The following PPAT variants were observed in gnomAD, a reference collection of about 807,000 sequenced individuals.
PPAT encodes the protein amidophosphoribosyltransferase.
Under a neutral mutation model 60.2 loss-of-function variants are expected in PPAT, and 20 were observed. The observed-to-expected ratio is 0.33, with a 90% CI of 0.23 to 0.48. The LOEUF (loss-of-function observed/expected upper bound fraction) is 0.48. PPAT is among the 20% of genes least tolerant of loss of function. The probability of loss-of-function intolerance (pLI) is 0.99; values close to 1 mark genes in which losing one functional copy is unlikely to be tolerated. For missense variants in PPAT, 349 were observed against 629.6 expected, an observed-to-expected ratio of 0.55 and a Z score of 4.77; for synonymous variants, 194 against 215.1, an observed-to-expected ratio of 0.90 and a Z score of 0.86.
chr4:56,402,836 A>T (rs1716147656), intron 5 of PPAT, among the ~76,000 whole-genome samples: 1 of 122,652 alleles, frequency 8.2e-6, no homozygotes, highest in Admixed American at 7.9e-5. Flanking sequence ...AAAAAAAAAA[A>T]AAAAAAAAAA....
In PPAT at chr4:56,394,375, C is replaced by T. The variant is rs944845657; in HGVS notation, c.*977G>A. The T allele has an allele frequency of 6.6e-6, 1 of 151,798 alleles. No individual in the cohort carries two copies. Among genetic ancestry groups the T allele is most frequent in the South Asian group, 2.1e-4 (1 of 4,822 alleles). 9.4% of individuals were successfully genotyped at this position (151,798 alleles called of 1,614,324 possible). A position where few individuals can be genotyped will look rare whatever the true frequency, so the allele number is the denominator to read the frequency against. Reference sequence around the variant, plus strand: ...ATGTGTATGTGTACATGTATATGTACATCTACATGTATATATGTTTGCAAG... The same window carrying T: ...ATGTGTATGTGTACATGTATATGTATATCTACATGTATATATGTTTGCAAG... On this transcript the variant is annotated 3_prime_UTR_variant, in exon 11 of 11. Coordinates refer to ENST00000264220, the MANE Select transcript of PPAT (RefSeq NM_002703.5).
At chr4:56,410,428 T>C (rs2110043579) in intron 1 of PPAT, 1 of 673,372 alleles carries the variant, frequency 1.5e-6, no homozygotes. Flanking sequence ...TTTCAGCTCT[T>C]CGGAGCTTAT....
chr4:56,433,414 A>G (rs372849722), intron 1 of PPAT, among the ~76,000 whole-genome samples: 171 of 129,684 alleles, frequency 1.3e-3, no homozygotes, highest in African/African-American at 5.8e-3. Context: ...AAAAAAAAAG[A>G]AAAAAAAAAC....
rs544171394 is a variant in PPAT, at chr4:56,420,548, TC to T, written c.129-12833del. The T allele has an allele frequency of 2.6e-3, 392 of 152,236 alleles. 2 individuals are homozygous for T. The highest frequency in any genetic ancestry group is 8.5e-3 in the African/African-American group (355 of 41,536). 9.4% of individuals were successfully genotyped at this position (152,236 alleles called of 1,614,324 possible). A position where few individuals can be genotyped will look rare whatever the true frequency, so the allele number is the denominator to read the frequency against. ...AACAGATTTAGTATACATTTGATCT[TC>T]CCCAGAATAGAAACAGTACAGTTAT... On this transcript the variant is annotated intron_variant, in intron 1 of 10. Transcript: ENST00000264220.
intron 1 of PPAT, among the ~76,000 whole-genome samples, chr4:56,432,193 CAA>C (rs1302413487): frequency 6.6e-6 from 1 of 152,066 alleles, no homozygotes; most frequent in Non-Finnish European, 1.5e-5. Flanking sequence ...AAATACAAAA[CAA>C]AAGTGATAGA....
chr4:56,406,470 A>C, intron 3 of PPAT, 25 bp downstream of exon 3: 2 of 1,594,442 alleles, frequency 1.3e-6, no homozygotes, highest in Non-Finnish European at 8.6e-7. Context: ...AAAAAGGCCT[A>C]GGGAAAACAA....
rs534302255 is a variant in PPAT at position 56,397,340 on chromosome 4, T to C, written c.1237-601A>G. 3.1e-3 allele frequency among the ~76,000 whole-genome samples: 474 copies of C among 152,326 alleles called. 1 individual carries two copies. The highest frequency in any genetic ancestry group is 4.1e-3 in the Non-Finnish European group (281 of 68,034). On this transcript the variant is annotated intron_variant, in intron 9 of 10. Transcript: ENST00000264220. ...TTCACTATTGCAATAAATGATGAAA[T>C]TATGTTAAACTCTTGTATCTATTAC... is the stretch of plus-strand genomic sequence containing the variant.
intron 1 of PPAT, among the ~76,000 whole-genome samples, chr4:56,432,997 T>TGA (rs1560652377): frequency 6.7e-6 from 1 of 148,436 alleles, no homozygotes. Context: ...CACACGTATT[T>TGA]TATATATATA....
intron 1 of PPAT, among the ~76,000 whole-genome samples, chr4:56,417,334 A>G (rs1200736017): frequency 6.6e-6 from 1 of 152,240 alleles, no homozygotes; most frequent in Non-Finnish European, 1.5e-5. Flanking sequence ...AAGACATTAA[A>G]TACACCATAA....
chr4:56,429,971 C>T (rs549191787), intron 1 of PPAT, among the ~76,000 whole-genome samples: 1 of 152,178 alleles, frequency 6.6e-6, no homozygotes, highest in Non-Finnish European at 1.5e-5. Context: ...TAAAAATATA[C>T]ATCCCAGCCA....
chr4:56,399,979 T>C (rs1412031932), intron 8 of PPAT: 2 of 152,262 alleles, frequency 1.3e-5, no homozygotes, highest in Admixed American at 1.3e-4. Context: ...AGCTTTATTA[T>C]TACCCATACT....
In PPAT at chr4:56,410,526, G is replaced by T. The variant is rs1182976488; in HGVS notation, c.129-2810C>A. 4.1e-6 allele frequency: 4 copies of T among 986,548 alleles called. No homozygotes were observed. The Admixed American group carries it at 2.5e-4, about 61-fold the overall frequency. 61.1% of individuals were successfully genotyped at this position (986,548 alleles called of 1,614,324 possible). A position where few individuals can be genotyped will look rare whatever the true frequency, so the allele number is the denominator to read the frequency against. Reference sequence around the variant, plus strand: ...CAGGTCACTTTCAACATGGAGAGTGGAGCAGGAAAGCACTGGACTGAGGAG... The same window carrying T: ...CAGGTCACTTTCAACATGGAGAGTGTAGCAGGAAAGCACTGGACTGAGGAG... On this transcript the variant is annotated intron_variant, in intron 1 of 10. Transcript: ENST00000264220.
At chr4:56,411,644 ATTTC>A (rs1716469444) in intron 1 of PPAT, among the ~76,000 whole-genome samples, 19 of 152,224 alleles carry the variant, frequency 1.2e-4, no homozygotes, top group Admixed American at 1.2e-3. Flanking sequence ...TATAGATGCT[ATTTC>A]AAGAGCAGAA....
rs1351441807 is a variant in PPAT, at chr4:56,403,061, C to A, written c.640G>T (p.Val214Leu). Reference sequence around the variant, plus strand: ...TTACCTTTGTCATTTATATCAGACACTGGAATAAGACGACCAATGCATAAG... The same window carrying A: ...TTACCTTTGTCATTTATATCAGACAATGGAATAAGACGACCAATGCATAAG... ...RPLCIGRLIPVSDINDKEKKT... is the reference protein window; with the variant it reads ...RPLCIGRLIPLSDINDKEKKT... Residue 214 changes from valine to leucine, a missense_variant, in exon 5 of 11, where the codon GTG becomes TTG. By Grantham distance (32) the Val-to-Leu change is conservative (BLOSUM62 1). Transcript: ENST00000264220. The A allele has an allele frequency of 6.2e-7, 1 of 1,608,632 alleles. No homozygotes were observed. Among genetic ancestry groups the A allele is most frequent in the East Asian group, 2.2e-5 (1 of 44,810 alleles).
At chr4:56,413,985 A>C (rs1434990218) in intron 1 of PPAT, among the ~76,000 whole-genome samples, 1 of 152,204 alleles carries the variant, frequency 6.6e-6, no homozygotes, top group Non-Finnish European at 1.5e-5. Flanking sequence ...GTAACTTTTA[A>C]TTTGCATTTG....
intron 1 of PPAT, among the ~76,000 whole-genome samples, chr4:56,411,880 C>T (rs1471720148): frequency 2.0e-5 from 3 of 152,270 alleles, no homozygotes; most frequent in South Asian, 4.1e-4. Context: ...TTCATGTTTA[C>T]AGCTCAGTAA....
At chr4:56,433,128 G>GAATC (rs933159279) in intron 1 of PPAT, among the ~76,000 whole-genome samples, 1 of 151,818 alleles carries the variant, frequency 6.6e-6, no homozygotes, top group African/African-American at 2.4e-5. Flanking sequence ...CTTCCAAGCA[G>GAATC]AATCAGTCCT....
Position 56,401,363 on chromosome 4 carries a change from C to T in PPAT, c.853G>A (p.Val285Ile). The change falls in exon 7 of 11, where the codon GTT becomes ATT. Residue 285 changes from valine (V) to isoleucine (I), a missense_variant. Physicochemically the swap from Val to Ile is conservative, Grantham distance 29 (BLOSUM62 3). Coordinates refer to ENST00000264220, the MANE Select transcript of PPAT (RefSeq NM_002703.5). ...ATACTGTCTGGTCTTGCAAAATAAA[C>T]ATATTCAAAGATACAAAAAGCCACT... ...NPVAFCIFEY[V>I]YFARPDSMFE... The T allele has an allele frequency of 6.3e-7, 1 of 1,598,054 alleles. No homozygotes were observed. The highest frequency in any genetic ancestry group is 8.5e-7 in the Non-Finnish European group (1 of 1,172,138).
chr4:56,402,415 T>C (rs1716134799), intron 5 of PPAT, among the ~76,000 whole-genome samples: 1 of 151,876 alleles, frequency 6.6e-6, no homozygotes, highest in African/African-American at 2.4e-5. Flanking sequence ...TTGATAAAAG[T>C]GAAAAGAAAC....
Sources: gnomAD v4.1 joint callset for allele counts (sites outside exome capture counted in the v4.1 genomes callset) on GRCh38, gnomAD v4.1.1 for gene constraint, MANE v1.5 for transcripts, NCBI Gene and HGNC (gene_info 2026-07-23, HGNC 2026-07-21) for gene names.